The following ZNF682 variants were observed in gnomAD, a reference collection of about 807,000 sequenced individuals.
The protein encoded by ZNF682 is zinc finger protein 682.
A neutral mutation model predicts 36.5 loss-of-function variants in ZNF682; 29 were observed. The ratio of observed to expected loss-of-function variants is 0.80; its 90% CI spans 0.59 to 1.08. ZNF682 has a LOEUF of 1.08. ZNF682 is among the 50% of genes least tolerant of loss of function. The probability of loss-of-function intolerance (pLI) is 0.00; values close to 1 mark genes in which losing one functional copy is unlikely to be tolerated. For synonymous variants in ZNF682, 180 were observed against 197.0 expected, an observed-to-expected ratio of 0.91 and a Z score of 0.72; for missense variants, 561 against 579.7, an observed-to-expected ratio of 0.97 and a Z score of 0.33.
At chr19:20,030,657 A>C (rs181418148) in intron 1 of ZNF682, 6 of 152,356 alleles carry the variant, frequency 3.9e-5, no homozygotes, top group Admixed American at 3.9e-4. Context: ...AGTTCCCAAC[A>C]TAAGGAAAGT....
intron 1 of ZNF682, among the ~76,000 whole-genome samples, chr19:20,024,816 G>A (rs922149454): frequency 2.6e-5 from 4 of 152,116 alleles, no homozygotes; most frequent in African/African-American, 9.7e-5. Flanking sequence ...CCTTGCCTGG[G>A]CGACAAACAA....
At chr19:20,001,559 A>C (rs1000701555), downstream of ZNF682, among the ~76,000 whole-genome samples, 4 of 152,226 alleles carry the variant, frequency 2.6e-5, no homozygotes, top group South Asian at 2.1e-4. Flanking sequence ...GCTGCAGGGA[A>C]TATTGTGTGT....
At position 20,006,880 on chromosome 19, in the gene ZNF682, T is replaced by C. The variant is rs1354076244; in HGVS notation, c.622A>G (p.Lys208Glu). 6.2e-7 allele frequency: 1 copy of C among 1,614,114 alleles called. No homozygotes were observed. The highest frequency in any genetic ancestry group is 1.7e-5 in the Admixed American group (1 of 60,014). Residue 208 changes from lysine (K) to glutamate (E), a missense_variant, in exon 4 of 4, where the codon AAA becomes GAA. By Grantham distance (56) the Lys-to-Glu change is moderately conservative (BLOSUM62 1). Coordinates refer to ENST00000397165, the MANE Select transcript of ZNF682 (RefSeq NM_033196.3). ...AGGTATGAGAACCACTTAAAGGTTT[T>C]GCCACATTCCTCACATATGCAGAGT... is the stretch of plus-strand genomic sequence containing the variant. Reference protein sequence around the residue: ...EKLCICEECGKTFKWFSYLTK... With the variant: ...EKLCICEECGETFKWFSYLTK...
chr19:20,002,431 G>A (rs1177675480), downstream of ZNF682, among the ~76,000 whole-genome samples: 1 of 152,056 alleles, frequency 6.6e-6, no homozygotes, highest in Non-Finnish European at 1.5e-5. Flanking sequence ...CGGGCCTCAG[G>A]CCCACTTAGA....
intron 3 of ZNF682, among the ~76,000 whole-genome samples, chr19:19,997,647 G>A (rs2088136011): frequency 6.6e-6 from 1 of 152,186 alleles, no homozygotes; most frequent in Non-Finnish European, 1.5e-5. Flanking sequence ...CCTGGATGAG[G>A]GGTTGTCCCT....
At chr19:20,021,214 T>C (rs575872007) in intron 3 of ZNF682, among the ~76,000 whole-genome samples, 4 of 152,210 alleles carry the variant, frequency 2.6e-5, no homozygotes, top group African/African-American at 9.6e-5. Context: ...AGGACATGAG[T>C]TGGACAAACG....
chr19:19,995,631 G>T (rs750159199), downstream of ZNF682, among the ~76,000 whole-genome samples: 2 of 151,602 alleles, frequency 1.3e-5, no homozygotes, highest in Non-Finnish European at 2.9e-5. Context: ...TTTGTGTCCA[G>T]ATTCAATTAA....
downstream of ZNF682, among the ~76,000 whole-genome samples, chr19:20,003,024 A>G (rs2088179770): frequency 6.6e-6 from 1 of 151,626 alleles, no homozygotes; most frequent in African/African-American, 2.4e-5. Flanking sequence ...CCCCGTCTCT[A>G]CTAAAAATAC....
rs763641367 is a variant in ZNF682 at position 20,006,411 on chromosome 19, C to T, written c.1091G>A (p.Ser364Asn). 1.2e-6 allele frequency: 2 copies of T among 1,612,822 alleles called. No homozygotes were observed. Among genetic ancestry groups the T allele is most frequent in the East Asian group, 4.5e-5 (2 of 44,778 alleles). ...TTCACATTTGTAGGGTTTCTCTCCGCTATGAATTACCTTATGTTCAGTAAG... is the reference window on the plus strand; with the variant it reads ...TTCACATTTGTAGGGTTTCTCTCCGTTATGAATTACCTTATGTTCAGTAAG... ...SILTEHKVIH[S>N]GEKPYKCEKC... The change falls in exon 4 of 4, where the codon AGC becomes AAC. Residue 364 changes from serine to asparagine, a missense_variant. By Grantham distance (46) the Ser-to-Asn change is conservative. Coordinates refer to ENST00000397165, the MANE Select transcript of ZNF682 (RefSeq NM_033196.3).
At chr19:20,024,815 G>T (rs1037965800) in intron 1 of ZNF682, among the ~76,000 whole-genome samples, 3 of 152,094 alleles carry the variant, frequency 2.0e-5, no homozygotes, top group Non-Finnish European at 4.4e-5. Flanking sequence ...TCCTTGCCTG[G>T]GCGACAAACA....
At chr19:20,002,295 A>G (rs1381284007), downstream of ZNF682, among the ~76,000 whole-genome samples, 3 of 143,608 alleles carry the variant, frequency 2.1e-5, no homozygotes, top group African/African-American at 7.8e-5. Context: ...GGGTTTCACC[A>G]TGTTGACCAG....
At chr19:20,038,613 TAAAA>T (rs58388624) in intron 1 of ZNF682, among the ~76,000 whole-genome samples, 12 of 145,002 alleles carry the variant, frequency 8.3e-5, no homozygotes, top group African/African-American at 3.1e-4. Flanking sequence ...GTTCCTACAT[TAAAA>T]AAAAAAAAAA....
In ZNF682 at chr19:20,004,573, T is replaced by G. The variant is rs900853966; in HGVS notation, c.*1432A>C. ...ACTATTACTCTGAACATCTATCTCA[T>G]GCAGCACTTACAAGTTTTATAAGTC... On this transcript the variant is annotated 3_prime_UTR_variant, in exon 4 of 4. Transcript: ENST00000397165. The G allele has an allele frequency of 6.6e-6, 1 of 152,258 alleles. No homozygotes were observed. Among genetic ancestry groups the G allele is most frequent in the South Asian group, 2.1e-4 (1 of 4,830 alleles). The allele number at this position is 152,258 out of a possible 1,614,324, so 9.4% of individuals were successfully genotyped here.
chr19:20,027,728 C>T (rs535784580), intron 1 of ZNF682, among the ~76,000 whole-genome samples: 1 of 151,510 alleles, frequency 6.6e-6, no homozygotes, highest in African/African-American at 2.4e-5. Context: ...CATTGCACTC[C>T]AGCCTGGGCA....
At chr19:20,002,761 C>G (rs751124451), downstream of ZNF682, among the ~76,000 whole-genome samples, 15 of 152,158 alleles carry the variant, frequency 9.9e-5, no homozygotes, top group Middle Eastern at 3.4e-3. Context: ...CTAAACAACA[C>G]CATGTCTGAT....
rs749470533 is a variant in ZNF682, at chr19:20,006,432, G to T, written c.1070C>A (p.Thr357Asn). 1.2e-6 allele frequency: 2 copies of T among 1,613,582 alleles called. No homozygotes were observed. Among genetic ancestry groups the T allele is most frequent in the South Asian group, 2.2e-5 (2 of 91,030 alleles). ...TCCGCTATGAATTACCTTATGTTCA[G>T]TAAGAATTGATGATGAGTTAAAAGC... Reference protein sequence around the residue: ...GKAFNSSSILTEHKVIHSGEK... With the variant: ...GKAFNSSSILNEHKVIHSGEK... The change falls in exon 4 of 4, where the codon ACT (threonine) becomes AAT (asparagine). Residue 357 changes from threonine to asparagine, a missense_variant. Transcript: ENST00000397165.
intron 1 of ZNF682, among the ~76,000 whole-genome samples, chr19:20,024,645 CTGGCCAACA>C (rs1296395399): frequency 1.3e-5 from 2 of 152,158 alleles, no homozygotes; most frequent in African/African-American, 4.8e-5. Context: ...TGAGACCAGC[CTGGCCAACA>C]TGGTGAAACC....
chr19:20,032,669 T>C (rs2088489345), intron 1 of ZNF682, among the ~76,000 whole-genome samples: 1 of 152,148 alleles, frequency 6.6e-6, no homozygotes, highest in South Asian at 2.1e-4. Context: ...CTCTCCACAA[T>C]GGCAGAACAC....
At chr19:20,008,963 A>G (rs930057340) in intron 3 of ZNF682, among the ~76,000 whole-genome samples, 3 of 152,128 alleles carry the variant, frequency 2.0e-5, no homozygotes, top group African/African-American at 2.4e-5. Flanking sequence ...ACAACCTTAA[A>G]TGACACCAAC....
Sources: allele counts gnomAD v4.1 joint callset (sites outside exome capture counted in the v4.1 genomes callset), GRCh38; gene constraint gnomAD v4.1.1; transcripts MANE v1.5; gene names NCBI Gene and HGNC (gene_info 2026-07-23, HGNC 2026-07-21).